Variants in LOXL2 observed in about 807,000 individuals in gnomAD.
LOXL2 encodes the protein lysyl oxidase like 2.
Under a neutral mutation model 93.0 loss-of-function variants are expected in LOXL2, and 70 were observed. The observed-to-expected ratio is 0.75, with a 90% CI of 0.62 to 0.92. The LOEUF is 0.92. LOXL2 is among the 40% of genes least tolerant of loss of function. The pLI is 0.00. For synonymous variants in LOXL2, 438 were observed against 413.2 expected (o/e 1.06, Z -0.73); for missense variants, 973 against 1,054.9 (o/e 0.92, Z 1.08).
At chr8:23,311,220 G>A (rs1585344303) in intron 9 of LOXL2, among the ~76,000 whole-genome samples, 3 of 152,186 alleles carry the variant, frequency 2.0e-5, no homozygotes, top group African/African-American at 7.2e-5. Context: ...AACCCTGTGA[G>A]TTCACTGGCA....
chr8:23,307,670 C>T lies in LOXL2; in HGVS notation c.1880+1998G>A, dbSNP rs116256841. Among the ~76,000 whole-genome samples the T allele has an allele frequency of 4.5e-3, 692 of 152,190 alleles. 8 individuals carry two copies. Among genetic ancestry groups the T allele is most frequent in the African/African-American group, 0.016 (658 of 41,520 alleles). On this transcript the variant is annotated intron_variant, in intron 10 of 13. Transcript: ENST00000389131. ...CTTCTGCTTATAGACCCATAGGCAG[C>T]GTCAGCCCCCGCCGCCCAGGGCTTC...
intron 1 of LOXL2, among the ~76,000 whole-genome samples, chr8:23,378,107 C>T (rs1450001534): frequency 6.6e-6 from 1 of 152,128 alleles, no homozygotes; most frequent in East Asian, 1.9e-4. Context: ...TTAGTGCTTC[C>T]TTCAGGAGCT....
intron 5 of LOXL2, among the ~76,000 whole-genome samples, chr8:23,332,296 C>A (rs1803698546): frequency 8.2e-6 from 1 of 121,766 alleles, no homozygotes; most frequent in South Asian, 3.0e-4. Context: ...CAGACCCCCA[C>A]ACACACTCAT....
intron 1 of LOXL2, among the ~76,000 whole-genome samples, chr8:23,380,900 C>G (rs1207798987): frequency 2.0e-5 from 3 of 152,148 alleles, no homozygotes; most frequent in Non-Finnish European, 4.4e-5. Context: ...GTAATCCCAG[C>G]TACTAGGGAG....
At chr8:23,304,326 A>G (rs940604487) in intron 10 of LOXL2, among the ~76,000 whole-genome samples, 2 of 152,336 alleles carry the variant, frequency 1.3e-5, no homozygotes, top group Admixed American at 1.3e-4. Context: ...TTCAGAATAA[A>G]CAAGGGAAAC....
intron 1 of LOXL2, among the ~76,000 whole-genome samples, chr8:23,371,624 C>T (rs2117216873): frequency 6.6e-6 from 1 of 151,456 alleles, no homozygotes; most frequent in Admixed American, 6.6e-5. Flanking sequence ...TGGTGGCGGG[C>T]ACCTGTAGTC....
At chr8:23,334,000 C>T (rs556409976) in intron 4 of LOXL2, among the ~76,000 whole-genome samples, 1 of 152,206 alleles carries the variant, frequency 6.6e-6, no homozygotes, top group Non-Finnish European at 1.5e-5. Flanking sequence ...CGAAGGTAAA[C>T]CATGTTTACC....
chr8:23,380,406 A>AGAAAAAG (rs1554483366), intron 1 of LOXL2, among the ~76,000 whole-genome samples: 12 of 128,502 alleles, frequency 9.3e-5, no homozygotes, highest in Non-Finnish European at 1.4e-4. Context: ...AAAAAAAAAA[A>AGAAAAAG]AAAAAGACAT....
In LOXL2 at chr8:23,301,592, G is replaced by C. The variant is rs142317436; in HGVS notation, c.2133+435C>G. On this transcript the variant is annotated intron_variant, in intron 12 of 13. Transcript: ENST00000389131. Reference sequence around the variant, plus strand: ...AGTCACAGATATTTGCAAGTGACTGGCTCTTTATGAGTTTGCTTTCAGTCT... The same window carrying C: ...AGTCACAGATATTTGCAAGTGACTGCCTCTTTATGAGTTTGCTTTCAGTCT... Among the ~76,000 whole-genome samples the C allele has an allele frequency of 1.9e-4, 29 of 152,312 alleles. No individual in the cohort carries two copies. The East Asian group carries it at 5.0e-3, about 26-fold the overall frequency.
intron 1 of LOXL2, among the ~76,000 whole-genome samples, chr8:23,390,970 C>T (rs980024788): frequency 2.6e-5 from 4 of 151,544 alleles, no homozygotes; most frequent in African/African-American, 7.3e-5. Context: ...GTGAAAGGCA[C>T]GTCTTACATG....
chr8:23,322,251 T>C lies in LOXL2; in HGVS notation c.1181A>G (p.Gln394Arg). 1 of 1,614,200 alleles carries C rather than the reference T, an allele frequency of 6.2e-7. No individual in the cohort carries two copies. Among genetic ancestry groups the C allele is most frequent in the South Asian group, 1.1e-5 (1 of 91,080 alleles). ...GIGPIHLNEI[Q>R]CTGNEKSIID... The stretch of plus-strand genomic sequence containing the variant: ...AATGGACTTCTCATTGCCTGTGCAC[T>C]GGATCTCGTTGAGGTGGATGGGTCC... Residue 394 changes from glutamine to arginine, a missense_variant, in exon 7 of 14, where the codon CAG becomes CGG. By Grantham distance (43) the Gln-to-Arg change is conservative. Coordinates refer to ENST00000389131, the MANE Select transcript of LOXL2 (RefSeq NM_002318.3).
At chr8:23,371,751 CAAAAAAAAAAAA>C (rs55780832) in intron 1 of LOXL2, among the ~76,000 whole-genome samples, 6 of 43,898 alleles carry the variant, frequency 1.4e-4, no homozygotes, top group Non-Finnish European at 1.8e-4. Context: ...GAGTCTGTCT[CAAAAAAAAAAAA>C]AAAAAAAAAA....
chr8:23,358,875 T>G (rs887029350), intron 3 of LOXL2, among the ~76,000 whole-genome samples: 4 of 145,038 alleles, frequency 2.8e-5, no homozygotes, highest in African/African-American at 1.0e-4. Flanking sequence ...ACAGTCTCGC[T>G]CTGTCACCCA....
At chr8:23,300,782 A>T (rs1803116802) in intron 12 of LOXL2, among the ~76,000 whole-genome samples, 1 of 152,210 alleles carries the variant, frequency 6.6e-6, no homozygotes, top group African/African-American at 2.4e-5. Context: ...TAGGCAATTG[A>T]TAGTAGTTAT....
intron 9 of LOXL2, among the ~76,000 whole-genome samples, chr8:23,315,220 AT>A (rs1409940832): frequency 1.4e-4 from 21 of 152,182 alleles, no homozygotes; most frequent in African/African-American, 4.6e-4. Context: ...AAAGGTAAAA[AT>A]CAAGAGGGAC....
Position 23,316,778 on chromosome 8 carries a change from T to C in LOXL2, c.1636+171A>G. On this transcript the variant is annotated intron_variant, in intron 9 of 13. Coordinates refer to ENST00000389131, the MANE Select transcript of LOXL2 (RefSeq NM_002318.3). ...CCACTACATCATAGACAGCGATCTGTGGTTGGGGTGGCGGTCATCTCTCTT... is the reference window on the plus strand; with the variant it reads ...CCACTACATCATAGACAGCGATCTGCGGTTGGGGTGGCGGTCATCTCTCTT... 4.9e-6 allele frequency: 3 copies of C among 615,558 alleles called. No individual in the cohort carries two copies. In the South Asian group the frequency reaches 7.3e-5, roughly 15 times the overall value. 38.1% of individuals were successfully genotyped at this position (615,558 alleles called of 1,614,324 possible). A position where few individuals can be genotyped will look rare whatever the true frequency, so the allele number is the denominator to read the frequency against.
In LOXL2 at chr8:23,328,556, C is replaced by G. The variant is rs376928331; in HGVS notation, c.976G>C (p.Val326Leu). 1.5e-5 allele frequency: 25 copies of G among 1,613,772 alleles called. No homozygotes were observed. The highest frequency in any genetic ancestry group is 5.1e-6 in the Non-Finnish European group (6 of 1,180,042). The change falls in exon 6 of 14, where the codon GTG (valine) becomes CTG (leucine). Residue 326 changes from valine (V) to leucine (L), a missense_variant. Val to Leu is a conservative substitution (Grantham distance 32). Transcript: ENST00000389131. Reference protein sequence around the residue: ...RKAYKPEQPLVRLRGGAYIGE... With the variant: ...RKAYKPEQPLLRLRGGAYIGE... ...ATGTAGGCACCGCCTCTCAGTCGCA[C>G]CAGGGGTTGCTGAAGAGACACACGG...
chr8:23,388,845 G>A (rs915053366), intron 1 of LOXL2, among the ~76,000 whole-genome samples: 1 of 152,112 alleles, frequency 6.6e-6, no homozygotes, highest in Non-Finnish European at 1.5e-5. Context: ...AGCAGGGCTT[G>A]TATCAGCCAG....
intron 6 of LOXL2, among the ~76,000 whole-genome samples, chr8:23,325,777 C>A (rs1803567744): frequency 6.6e-6 from 1 of 152,224 alleles, no homozygotes; most frequent in South Asian, 2.1e-4. Context: ...ATGTGGCATG[C>A]AGCCTTGCAG....
Sources: gnomAD v4.1 joint callset for allele counts (sites outside exome capture counted in the v4.1 genomes callset) on GRCh38, gnomAD v4.1.1 for gene constraint, MANE v1.5 for transcripts, NCBI Gene and HGNC (gene_info 2026-07-23, HGNC 2026-07-21) for gene names.